Variants in PRPF8 observed in about 807,000 individuals in gnomAD.
PRPF8 encodes the protein pre-mRNA-processing-splicing factor 8.
Under a neutral mutation model 285.9 loss-of-function variants are expected in PRPF8, and 64 were observed. The ratio of observed to expected loss-of-function variants is 0.22; its 90% confidence interval spans 0.18 to 0.28. The LOEUF (loss-of-function observed/expected upper bound fraction) is 0.28, where lower values mean the gene tolerates loss of function less well. PRPF8 is among the 10% of genes least tolerant of loss of function. The pLI is 1.00. For synonymous variants in PRPF8, 1,325 were observed against 1,118.2 expected (o/e 1.18, Z -3.69); for missense variants, 1,426 against 3,026.7 (o/e 0.47, Z 12.41).
intron 1 of PRPF8, 93 bp downstream of exon 1, chr17:1,684,687 G>C (rs1913145772): frequency 1.9e-6 from 2 of 1,054,040 alleles, no homozygotes; most frequent in South Asian, 2.7e-5. Context: ...CCGCCACACA[G>C]TGCATCCAGC....
Position 1,674,807 on chromosome 17 carries a change from G to A in PRPF8, c.3061-127C>T, listed in dbSNP as rs559274497. On this transcript the variant is annotated intron_variant, in intron 20 of 42. Coordinates refer to ENST00000304992, the MANE Select transcript of PRPF8 (RefSeq NM_006445.4). ...CACTCCCGAGGCGGAGTTGTGCTCA[G>A]TCACCCAGGCTGAGAGTGCACTGGC... 2.0e-5 allele frequency: 20 copies of A among 1,019,822 alleles called. No individual in the cohort carries two copies. In the African/African-American group the frequency reaches 3.0e-4, roughly 15 times the overall value. 63.2% of individuals were successfully genotyped at this position (1,019,822 alleles called of 1,614,324 possible). A position where few individuals can be genotyped will look rare whatever the true frequency, so the allele number is the denominator to read the frequency against.
chr17:1,679,822 G>A lies in PRPF8; in HGVS notation c.1099-23C>T, dbSNP rs150020396. 4 of 1,613,774 alleles carry A rather than the reference G, an allele frequency of 2.5e-6. No homozygotes were observed. The African/African-American group carries it at 4.0e-5, about 16-fold the overall frequency. On this transcript the variant is annotated intron_variant, in intron 8 of 42. Coordinates refer to ENST00000304992, the MANE Select transcript of PRPF8 (RefSeq NM_006445.4). The surrounding 1 kb of genome is among the most constrained non-coding windows in gnomAD (Gnocchi z 4.7). ...GCTCTGAAAAAGGAATCCCTCTAAG[G>A]GTTTAGCTCCTGCTGAACTAGGCAC...
Position 1,682,264 on chromosome 17 carries a change from A to C in PRPF8, c.299T>G (p.Leu100Arg). ...GALKYMPHAV[L>R]KLLENMPMPW... The stretch of plus-strand genomic sequence containing the variant: ...CATAGGCATGTTCTCCAGGAGTTTG[A>C]GGACTGCGTGGGGCATGTACTTTAG... The change falls in exon 4 of 43, where the codon CTC becomes CGC. Residue 100 changes from leucine to arginine, a missense_variant. By Grantham distance (102) the Leu-to-Arg change is moderately radical. Coordinates refer to ENST00000304992, the MANE Select transcript of PRPF8 (RefSeq NM_006445.4). The C allele has an allele frequency of 6.2e-7, 1 of 1,614,200 alleles. No individual in the cohort carries two copies. Among genetic ancestry groups the C allele is most frequent in the Non-Finnish European group, 8.5e-7 (1 of 1,180,044 alleles).
At chr17:1,677,276 G>T (rs1912652812) in intron 14 of PRPF8, 104 bp from the exon 15 acceptor site, 1 of 1,232,954 alleles carries the variant, frequency 8.1e-7, no homozygotes, top group East Asian at 2.3e-5. Context: ...AATAAAATTA[G>T]GTATTAACAA....
In PRPF8 at chr17:1,673,590, C is replaced by A; in HGVS notation, c.3447-23G>T. The A allele has an allele frequency of 6.2e-7, 1 of 1,613,826 alleles. No individual in the cohort carries two copies. Among genetic ancestry groups the A allele is most frequent in the South Asian group, 1.1e-5 (1 of 91,042 alleles). On this transcript the variant is annotated intron_variant, in intron 22 of 42. Transcript: ENST00000304992. The surrounding 1 kb of genome is among the most constrained non-coding windows in gnomAD (Gnocchi z 5.5). Reference sequence around the variant, plus strand: ...CCTCTGCCCACAGAGAACACATGGTCACAGCAGTTTCTTGGAAGGAACTTC... The same window carrying A: ...CCTCTGCCCACAGAGAACACATGGTAACAGCAGTTTCTTGGAAGGAACTTC...
Position 1,653,361 on chromosome 17 carries a change from G to T in PRPF8, c.6369+181C>A. On this transcript the variant is annotated intron_variant, in intron 39 of 42. Transcript: ENST00000304992. The surrounding 1 kb of genome is among the most constrained non-coding windows in gnomAD (Gnocchi z 4.9). ...CTACAATTACTACCTTCTCTCAGCT[G>T]CCACAGCTTTTGCTATCTCATGGGG... 1 of 750,648 alleles carries T rather than the reference G, an allele frequency of 1.3e-6. No homozygotes were observed. The highest frequency in any genetic ancestry group is 2.3e-6 in the Non-Finnish European group (1 of 437,976). The allele number at this position is 750,648 out of a possible 1,614,324, so 46.5% of individuals were successfully genotyped here.
chr17:1,680,149 T>C (rs771573384), intron 8 of PRPF8, among the ~76,000 whole-genome samples: 1 of 152,120 alleles, frequency 6.6e-6, no homozygotes, highest in Non-Finnish European at 1.5e-5. Context: ...AAAAACATTA[T>C]GGTAAGCTTA....
intron 36 of PRPF8, among the ~76,000 whole-genome samples, chr17:1,655,779 A>T (rs561620516): frequency 6.6e-6 from 1 of 151,928 alleles, no homozygotes; most frequent in African/African-American, 2.4e-5. Context: ...GGCACCTGCC[A>T]CCACGCCCGG....
chr17:1,684,419 G>GCGCA, intron 2 of PRPF8, 53 bp downstream of exon 2: 1 of 1,591,842 alleles, frequency 6.3e-7, no homozygotes, highest in East Asian at 2.2e-5. Flanking sequence ...GCCTGCGCGC[G>GCGCA]CGCACACCCG....
intron 24 of PRPF8, among the ~76,000 whole-genome samples, chr17:1,668,065 A>G (rs548729919): frequency 8.5e-5 from 13 of 152,382 alleles, no homozygotes; most frequent in African/African-American, 3.1e-4. Context: ...AGGTCCTATC[A>G]GTATCCCTAT....
rs1023681172 is a variant in PRPF8 at position 1,681,708 on chromosome 17, G to A, written c.654-18C>T. 2 of 1,613,174 alleles carry A rather than the reference G, an allele frequency of 1.2e-6. No homozygotes were observed. Among genetic ancestry groups the A allele is most frequent in the Non-Finnish European group, 1.7e-6 (2 of 1,179,208 alleles). Reference sequence around the variant, plus strand: ...TTACATACCTAGGTAAAAAATGAAAGGCCCACCTCAAGTAAGCAGCTAGAC... The same window carrying A: ...TTACATACCTAGGTAAAAAATGAAAAGCCCACCTCAAGTAAGCAGCTAGAC... On this transcript the variant is annotated intron_variant, in intron 5 of 42. Coordinates refer to ENST00000304992, the MANE Select transcript of PRPF8 (RefSeq NM_006445.4).
intron 34 of PRPF8, among the ~76,000 whole-genome samples, chr17:1,657,201 G>A (rs772094426): frequency 9.9e-5 from 15 of 152,138 alleles, no homozygotes; most frequent in Non-Finnish European, 8.8e-5. Flanking sequence ...CTGAATGTAA[G>A]ATGAAACATG....
chr17:1,655,640 CTTTT>C, intron 36 of PRPF8, 97 bp from the exon 37 acceptor site: 2 of 1,075,176 alleles, frequency 1.9e-6, no homozygotes, highest in Non-Finnish European at 2.8e-6. Flanking sequence ...TTTTTTTTTT[CTTTT>C]GAGACAGAGT....
chr17:1,654,096 G>A, intron 37 of PRPF8, 80 bp from the exon 38 acceptor site: 1 of 1,606,734 alleles, frequency 6.2e-7, no homozygotes, highest in African/African-American at 1.3e-5. Flanking sequence ...GTGTAACTTG[G>A]TAGGACAGGA....
rs748491053 is a variant in PRPF8 at position 1,661,911 on chromosome 17, G to A, written c.4017C>T (p.Asp1339=). The A allele has an allele frequency of 3.1e-6, 5 of 1,614,180 alleles. No individual in the cohort carries two copies. The highest frequency in any genetic ancestry group is 4.2e-6 in the Non-Finnish European group (5 of 1,180,046). Residue 1339 remains aspartate, a synonymous_variant, in exon 25 of 43, where the codon GAC becomes GAT. Coordinates refer to ENST00000304992, the MANE Select transcript of PRPF8 (RefSeq NM_006445.4). The surrounding 1 kb of genome is among the most constrained non-coding windows in gnomAD (Gnocchi z 7.3). The part of the protein sequence containing the change: ...SMGHVLIPQS[D]LRWSKQTDVG... The stretch of plus-strand genomic sequence containing the variant: ...TACGTTGAACCAGGCTGTACCTGAG[G>A]TCGGATTGGGGGATGAGCACATGGC...
Position 1,651,574 on chromosome 17 carries a change from A to AGAGC in PRPF8, c.6511-25_6511-22dup. The AGAGC allele has an allele frequency of 1.9e-6, 3 of 1,614,146 alleles. No homozygotes were observed. Among genetic ancestry groups the AGAGC allele is most frequent in the Non-Finnish European group, 2.5e-6 (3 of 1,180,034 alleles). Reference sequence around the variant, plus strand: ...ATCTCCTATAGGTAAAGAGGAGTACAGAGCTGAATCCCATCCACAGACAGG... The same window carrying AGAGC: ...ATCTCCTATAGGTAAAGAGGAGTACAGAGCGAGCTGAATCCCATCCACAGACAGG... On this transcript the variant is annotated intron_variant, in intron 40 of 42. Coordinates refer to ENST00000304992, the MANE Select transcript of PRPF8 (RefSeq NM_006445.4). This position sits in a 1 kb window ranked among gnomAD's most constrained non-coding sequence, Gnocchi z 5.1.
At position 1,684,522 on chromosome 17, in the gene PRPF8, G is replaced by A; in HGVS notation, c.50C>T (p.Pro17Leu). ...YRGPGNPVPG[P>L]LAPLPDYMSE... ...CATGTAGTCCGGTAGCGGGGCTAGA[G>A]GGCCAGGCACCGGGTTACCCGGCCC... Residue 17 changes from proline to leucine, a missense_variant, in exon 2 of 43, where the codon CCT becomes CTT. Coordinates refer to ENST00000304992, the MANE Select transcript of PRPF8 (RefSeq NM_006445.4). 1 of 1,612,656 alleles carries A rather than the reference G, an allele frequency of 6.2e-7. No individual in the cohort carries two copies. The highest frequency in any genetic ancestry group is 2.2e-5 in the East Asian group (1 of 44,870).
At chr17:1,681,176 T>G in intron 6 of PRPF8, 122 bp from the exon 7 acceptor site, 1 of 1,113,058 alleles carries the variant, frequency 9.0e-7, no homozygotes, top group Non-Finnish European at 1.3e-6. Context: ...CCTCCTGGGC[T>G]CAAACAATCC....
At chr17:1,656,313 G>T in intron 36 of PRPF8, 79 bp downstream of exon 36, 2 of 1,576,110 alleles carry the variant, frequency 1.3e-6, no homozygotes, top group African/African-American at 1.3e-5. Context: ...TGTGAAAATG[G>T]CAAAAACCTG....
Sources: gnomAD v4.1 joint callset for allele counts (sites outside exome capture counted in the v4.1 genomes callset) on GRCh38, gnomAD v4.1.1 for gene constraint, Gnocchi (gnomAD v3.1) non-coding constraint, MANE v1.5 for transcripts, NCBI Gene and HGNC (gene_info 2026-07-23, HGNC 2026-07-21) for gene names.